Variants in CAPZA2 observed in about 807,000 individuals in gnomAD.
The protein encoded by CAPZA2 is F-actin-capping protein subunit alpha-2.
A neutral mutation model predicts 44.0 loss-of-function variants in CAPZA2; 13 were observed. The ratio of observed to expected loss-of-function variants is 0.30; its 90% CI spans 0.19 to 0.47. The LOEUF (loss-of-function observed/expected upper bound fraction) is 0.47. Among genes scored for constraint, CAPZA2 ranks in the 20% least tolerant of loss-of-function variants. The pLI is 1.00. For missense variants in CAPZA2, 244 were observed against 338.6 expected (o/e 0.72, Z 2.19); for synonymous variants, 94 against 108.2 (o/e 0.87, Z 0.81).
chr7:116,865,505 C>T (rs1048048407), intron 1 of CAPZA2, among the ~76,000 whole-genome samples: 31 of 152,060 alleles, frequency 2.0e-4, no homozygotes, highest in African/African-American at 1.7e-4. Context: ...CTTTCTTAAA[C>T]AAAATTGATA....
chr7:116,896,640 G>A (rs1222409381), intron 3 of CAPZA2, among the ~76,000 whole-genome samples: 1 of 152,124 alleles, frequency 6.6e-6, no homozygotes, highest in Non-Finnish European at 1.5e-5. Flanking sequence ...GATGGAAAGG[G>A]TATAAAAATC....
At chr7:116,913,560 C>T (rs1791624367) in intron 8 of CAPZA2, among the ~76,000 whole-genome samples, 1 of 151,986 alleles carries the variant, frequency 6.6e-6, no homozygotes, top group Non-Finnish European at 1.5e-5. Flanking sequence ...AATTCTTTCA[C>T]ACATTCTTTC....
intron 4 of CAPZA2, among the ~76,000 whole-genome samples, chr7:116,901,980 T>C (rs1007191360): frequency 6.6e-6 from 1 of 151,708 alleles, no homozygotes; most frequent in Admixed American, 6.6e-5. Context: ...GAGAATTGCC[T>C]TACCAGATAG....
intron 2 of CAPZA2, 64 bp from the exon 3 acceptor site, chr7:116,892,930 C>G (rs1356769602): frequency 3.4e-6 from 4 of 1,173,960 alleles, no homozygotes; most frequent in Non-Finnish European, 1.2e-6. Context: ...CCAAAACAAT[C>G]TGCGTTCATT....
chr7:116,880,267 A>G (rs1489670824), intron 1 of CAPZA2: 1 of 342,948 alleles, frequency 2.9e-6, no homozygotes, highest in African/African-American at 2.2e-5. Context: ...TGGTTCAAAT[A>G]ATTGTAAACT....
Position 116,918,295 on chromosome 7 carries a change from G to A in CAPZA2, c.*428G>A, listed in dbSNP as rs1315557875. 1 of 157,448 alleles carries A rather than the reference G, an allele frequency of 6.4e-6. No individual in the cohort carries two copies. Among genetic ancestry groups the A allele is most frequent in the Admixed American group, 6.1e-5 (1 of 16,290 alleles). The allele number at this position is 157,448 out of a possible 1,614,324, so 9.8% of individuals were successfully genotyped here. On this transcript the variant is annotated 3_prime_UTR_variant, in exon 10 of 10. Transcript: ENST00000361183. ...TAGTTTAAGGTGGTTGATGGATTTA[G>A]CCATATATGCTGCTAAAGAAATTGT...
rs529881736 is a variant in CAPZA2 at position 116,899,650 on chromosome 7, G to A, written c.219+815G>A. On this transcript the variant is annotated intron_variant, in intron 4 of 9. Transcript: ENST00000361183. ...TCTGCAAAATTTATTTTATCTCTGG[G>A]AAGATTTGGGTTTTTTTTTTTTGCT... Among the ~76,000 whole-genome samples, 4 of 84,206 alleles carry A rather than the reference G, an allele frequency of 4.8e-5. No homozygotes were observed. The South Asian group carries it at 2.1e-3, about 44-fold the overall frequency. 55.2% of individuals were successfully genotyped at this position (84,206 alleles called of 152,430 possible). A position where few individuals can be genotyped will look rare whatever the true frequency, so the allele number is the denominator to read the frequency against.
In CAPZA2 at chr7:116,904,391, A is replaced by G. The variant is rs372359690; in HGVS notation, c.426+8A>G. ...CCGAATGGAGTCTGCACTGTAAGTCATCAGTAGCAGCTTTGTGTGTGTGTT... is the reference window on the plus strand; with the variant it reads ...CCGAATGGAGTCTGCACTGTAAGTCGTCAGTAGCAGCTTTGTGTGTGTGTT... On this transcript the variant is annotated splice_region_variant and intron_variant, in intron 5 of 9. Coordinates refer to ENST00000361183, the MANE Select transcript of CAPZA2 (RefSeq NM_006136.3). The G allele has an allele frequency of 4.5e-6, 7 of 1,567,254 alleles. No homozygotes were observed. In the African/African-American group the frequency reaches 6.7e-5, roughly 15 times the overall value.
intron 1 of CAPZA2, among the ~76,000 whole-genome samples, chr7:116,882,933 C>G (rs916254568): frequency 2.0e-5 from 3 of 152,158 alleles, no homozygotes; most frequent in Non-Finnish European, 4.4e-5. Context: ...AATCTCCCAC[C>G]TGTAGCCACT....
chr7:116,872,456 GT>G (rs1013387422), intron 1 of CAPZA2, among the ~76,000 whole-genome samples: 13 of 152,222 alleles, frequency 8.5e-5, no homozygotes, highest in East Asian at 1.9e-4. Context: ...TGTGGGCCCT[GT>G]TTTTAATTAC....
chr7:116,869,573 G>A (rs572275309), intron 1 of CAPZA2, among the ~76,000 whole-genome samples: 3 of 152,266 alleles, frequency 2.0e-5, no homozygotes, highest in South Asian at 4.1e-4. Context: ...CATTGGTAGC[G>A]TTTTTCCTTG....
At chr7:116,886,500 A>T (rs536746194) in intron 1 of CAPZA2, among the ~76,000 whole-genome samples, 8 of 152,192 alleles carry the variant, frequency 5.3e-5, no homozygotes, top group Non-Finnish European at 1.2e-4. Context: ...ACAAACACAC[A>T]CAGCCATTTC....
intron 1 of CAPZA2, among the ~76,000 whole-genome samples, chr7:116,865,488 C>CATT (rs1344305462): frequency 6.6e-6 from 1 of 152,064 alleles, no homozygotes; most frequent in Non-Finnish European, 1.5e-5. Flanking sequence ...GCCCAGCAGA[C>CATT]ATTATGCTTT....
intron 2 of CAPZA2, among the ~76,000 whole-genome samples, chr7:116,889,740 T>C (rs1796806632): frequency 1.3e-5 from 2 of 152,286 alleles, no homozygotes; most frequent in Admixed American, 6.5e-5. Context: ...GCAGTTCTTA[T>C]GCATTTTAAA....
At chr7:116,910,355 CAG>C (rs1293641791) in intron 7 of CAPZA2, 44 bp downstream of exon 7, 1 of 915,240 alleles carries the variant, frequency 1.1e-6, no homozygotes, top group South Asian at 1.3e-5. Flanking sequence ...TGATTCTGAA[CAG>C]AGAAACAACT....
intron 1 of CAPZA2, among the ~76,000 whole-genome samples, chr7:116,885,013 G>T (rs921039795): frequency 6.6e-6 from 1 of 152,028 alleles, no homozygotes; most frequent in Admixed American, 6.6e-5. Flanking sequence ...GCATCTTTTT[G>T]TGCATTTATC....
intron 3 of CAPZA2, among the ~76,000 whole-genome samples, chr7:116,893,780 T>A (rs1796883084): frequency 6.6e-6 from 1 of 152,188 alleles, no homozygotes; most frequent in Non-Finnish European, 1.5e-5. Flanking sequence ...CACATACATG[T>A]ACACTGAATT....
At chr7:116,899,060 G>A (rs1390820734) in intron 4 of CAPZA2, among the ~76,000 whole-genome samples, 2 of 151,868 alleles carry the variant, frequency 1.3e-5, no homozygotes, top group African/African-American at 4.8e-5. Flanking sequence ...TAAGATTTTA[G>A]TAAATGATTA....
At chr7:116,891,222 A>ATT (rs1562960175) in intron 2 of CAPZA2, among the ~76,000 whole-genome samples, 2 of 152,042 alleles carry the variant, frequency 1.3e-5, no homozygotes, top group African/African-American at 4.8e-5. Context: ...TGGATTTATT[A>ATT]TTTTTTTCCA....
Sources: allele counts gnomAD v4.1 joint callset (sites outside exome capture counted in the v4.1 genomes callset), GRCh38; gene constraint gnomAD v4.1.1; transcripts MANE v1.5; gene names NCBI Gene and HGNC (gene_info 2026-07-23, HGNC 2026-07-21).